Variants in ABCA13 observed in about 807,000 individuals in gnomAD.
The protein encoded by ABCA13 is ATP binding cassette subfamily A member 13, also known as ATP-binding cassette sub-family A member 13.
ABCA13 carries 476 observed loss-of-function variants against 478.7 expected under a neutral mutation model. The ratio of observed to expected loss-of-function variants is 0.99; its 90% CI spans 0.92 to 1.07. The LOEUF is 1.07. Ranked by LOEUF, ABCA13 falls within the 50% of genes least tolerant of loss-of-function variation. The pLI is 0.00. For synonymous variants in ABCA13, 2,252 were observed against 2,158.9 expected (o/e 1.04, Z -1.20); for missense variants, 6,060 against 5,910.6 (o/e 1.03, Z -0.83).
chr7:48,413,367 T>C (rs1819536192), intron 41 of ABCA13, among the ~76,000 whole-genome samples: 1 of 152,128 alleles, frequency 6.6e-6, no homozygotes, highest in East Asian at 1.9e-4. Context: ...GGATCTGAGG[T>C]GGATGAGACC....
chr7:48,478,495 A>G (rs1024589727), intron 45 of ABCA13, among the ~76,000 whole-genome samples: 5 of 151,972 alleles, frequency 3.3e-5, no homozygotes, highest in Admixed American at 2.0e-4. Flanking sequence ...GTACAGGGGG[A>G]GAATTACAGA....
intron 55 of ABCA13, among the ~76,000 whole-genome samples, chr7:48,561,093 A>T (rs1224001946): frequency 1.3e-5 from 2 of 152,040 alleles, no homozygotes; most frequent in Non-Finnish European, 2.9e-5. Flanking sequence ...ATATGTATGT[A>T]TGTATGCATA....
At chr7:48,294,334 A>G (rs1799025219) in intron 20 of ABCA13, among the ~76,000 whole-genome samples, 1 of 151,904 alleles carries the variant, frequency 6.6e-6, no homozygotes, top group Admixed American at 6.6e-5. Context: ...TGTTCATTCT[A>G]CATAACTGCA....
intron 55 of ABCA13, among the ~76,000 whole-genome samples, chr7:48,554,974 G>A: frequency 6.6e-6 from 1 of 151,486 alleles, no homozygotes; most frequent in East Asian, 1.9e-4. Context: ...ACTAGCTGTG[G>A]GTCTGTTGTA....
intron 55 of ABCA13, among the ~76,000 whole-genome samples, chr7:48,551,889 A>T (rs951825355): frequency 6.6e-6 from 1 of 151,732 alleles, no homozygotes; most frequent in African/African-American, 2.4e-5. Context: ...GCATTATCCT[A>T]CTGTCTTCTG....
intron 58 of ABCA13, 63 bp from the exon 59 acceptor site, chr7:48,615,216 TGAAAAG>T: frequency 9.3e-7 from 1 of 1,077,064 alleles, no homozygotes; most frequent in African/African-American, 1.6e-5. Flanking sequence ...CTTTTTGTTT[TGAAAAG>T]TTTGACTCAA....
At chr7:48,483,301 T>C (rs1828965053) in intron 47 of ABCA13, 138 bp downstream of exon 47, 2 of 701,368 alleles carry the variant, frequency 2.9e-6, no homozygotes, top group Admixed American at 3.1e-5. Flanking sequence ...AGGAAAATTA[T>C]ATGTAAACAT....
intron 55 of ABCA13, among the ~76,000 whole-genome samples, chr7:48,534,114 G>A (rs1438200443): frequency 6.6e-6 from 1 of 152,086 alleles, no homozygotes; most frequent in Admixed American, 6.6e-5. Flanking sequence ...TGTATTTTGA[G>A]GATTTGTTTT....
At chr7:48,485,521 GATC>G (rs1829205757) in intron 47 of ABCA13, among the ~76,000 whole-genome samples, 1 of 152,106 alleles carries the variant, frequency 6.6e-6, no homozygotes. Context: ...GTAACTTTAA[GATC>G]ATCACAAAGT....
chr7:48,328,013 G>T (rs1457779344), intron 27 of ABCA13, among the ~76,000 whole-genome samples: 1 of 152,188 alleles, frequency 6.6e-6, no homozygotes, highest in Non-Finnish European at 1.5e-5. Context: ...TGAAGAATAA[G>T]CACAGGCTAT....
intron 28 of ABCA13, among the ~76,000 whole-genome samples, chr7:48,335,743 G>T (rs1806159645): frequency 6.6e-6 from 1 of 152,160 alleles, no homozygotes; most frequent in African/African-American, 2.4e-5. Flanking sequence ...ATCGTTGTGA[G>T]AATGATTAAT....
intron 3 of ABCA13, among the ~76,000 whole-genome samples, chr7:48,202,913 C>T (rs1277761433): frequency 6.6e-6 from 1 of 152,040 alleles, no homozygotes; most frequent in South Asian, 2.1e-4. Context: ...CGTGCGCCCG[C>T]GCTCCTCAGC....
chr7:48,476,107 G>A (rs1255422914), intron 45 of ABCA13, among the ~76,000 whole-genome samples: 2 of 152,190 alleles, frequency 1.3e-5, no homozygotes, highest in Admixed American at 1.3e-4. Context: ...AGTTCTGGAG[G>A]CTGGAAGTCT....
chr7:48,182,542 T>C (rs1207546249), intron 1 of ABCA13, among the ~76,000 whole-genome samples: 1 of 152,196 alleles, frequency 6.6e-6, no homozygotes, highest in East Asian at 1.9e-4. Context: ...TTCATCTTTA[T>C]AATGCCAAAG....
intron 59 of ABCA13, among the ~76,000 whole-genome samples, chr7:48,617,827 A>G (rs946690987): frequency 6.6e-6 from 1 of 152,122 alleles, no homozygotes; most frequent in Non-Finnish European, 1.5e-5. Flanking sequence ...CAAAGCAGCC[A>G]TTTTTCAGGG....
At chr7:48,386,656 T>C (rs1019764881) in intron 35 of ABCA13, among the ~76,000 whole-genome samples, 1 of 152,176 alleles carries the variant, frequency 6.6e-6, no homozygotes, top group Admixed American at 6.5e-5. Context: ...ATTTAATAAA[T>C]GGTATGGGGA....
In ABCA13 at chr7:48,370,544, C is replaced by T. The variant is rs184586938; in HGVS notation, c.10804-1624C>T. On this transcript the variant is annotated intron_variant, in intron 32 of 61. Coordinates refer to ENST00000435803, the MANE Select transcript of ABCA13 (RefSeq NM_152701.5). ...GGCTGTGGGTTTGCCATATACGGCT[C>T]AGACCATAGTGAAATAAAATTGGAA... Among the ~76,000 whole-genome samples the T allele has an allele frequency of 1.0e-3, 158 of 152,058 alleles. No individual in the cohort carries two copies. In the Middle Eastern group the frequency reaches 0.031, roughly 29 times the overall value.
At chr7:48,517,146 T>C (rs1183955206) in intron 52 of ABCA13, among the ~76,000 whole-genome samples, 2 of 152,226 alleles carry the variant, frequency 1.3e-5, no homozygotes, top group African/African-American at 2.4e-5. Flanking sequence ...GCCATGAAGA[T>C]GTTCACTGCC....
chr7:48,471,520 TGTTTTTTAGGAA>T lies in ABCA13; in HGVS notation c.12906-8_12909del. 1 of 1,552,136 alleles carries T rather than the reference TGTTTTTTAGGAA, an allele frequency of 6.4e-7. No individual in the cohort carries two copies. On this transcript the variant is annotated splice_acceptor_variant and splice_polypyrimidine_tract_variant and coding_sequence_variant and intron_variant, in exon 45 of 62. Transcript: ENST00000435803. LOFTEE classifies it high-confidence loss of function. ...AAAAGATCATTCCAATTCTCTCCTT[TGTTTTTTAGGAA>T]GAATTCTTCATGCTGGCGCACAGAT...
Sources: gnomAD v4.1 joint callset for allele counts (sites outside exome capture counted in the v4.1 genomes callset) on GRCh38, gnomAD v4.1.1 for gene constraint, MANE v1.5 for transcripts, NCBI Gene and HGNC (gene_info 2026-07-23, HGNC 2026-07-21) for gene names.